Variants in GLI2 observed in about 807,000 individuals in gnomAD.
The protein encoded by GLI2 is transcription activator GLI2.
Under a neutral mutation model 78.9 loss-of-function variants are expected in GLI2, and 22 were observed. The observed-to-expected ratio is 0.28, with a 90% CI of 0.20 to 0.40. GLI2 has a LOEUF of 0.40. Ranked by LOEUF, GLI2 falls within the 10% of genes least tolerant of loss-of-function variation. The pLI is 1.00. For synonymous variants in GLI2, 974 were observed against 963.7 expected, an observed-to-expected ratio of 1.01 and a Z score of -0.20; for missense variants, 2,097 against 2,213.2, an observed-to-expected ratio of 0.95 and a Z score of 1.05.
intron 1 of GLI2, among the ~76,000 whole-genome samples, chr2:120,747,263 T>C (rs1162891649): frequency 6.6e-6 from 1 of 152,222 alleles, no homozygotes; most frequent in African/African-American, 2.4e-5. Context: ...CACAAATCAA[T>C]GTAAGACAAT....
chr2:120,744,408 A>G (rs369798374), intron 1 of GLI2, among the ~76,000 whole-genome samples: 20 of 152,338 alleles, frequency 1.3e-4, no homozygotes, highest in African/African-American at 4.3e-4. Context: ...GTACTGAAAG[A>G]AAAATTGGAC....
At chr2:120,913,645 A>G (rs143215331) in intron 2 of GLI2, among the ~76,000 whole-genome samples, 2 of 152,352 alleles carry the variant, frequency 1.3e-5, no homozygotes, top group Non-Finnish European at 2.9e-5. Flanking sequence ...GCTCCCAGAA[A>G]GTGGCCCTTA....
In GLI2 at chr2:120,968,785, T is replaced by A; in HGVS notation, c.715T>A (p.Ser239Thr). 1.2e-6 allele frequency: 2 copies of A among 1,613,652 alleles called. No homozygotes were observed. The highest frequency in any genetic ancestry group is 2.2e-5 in the East Asian group (1 of 44,862). The change falls in exon 6 of 14, where the codon TCA (serine) becomes ACA (threonine). Residue 239 changes from serine (S) to threonine (T), a missense_variant. Physicochemically the swap from Ser to Thr is moderately conservative, Grantham distance 58. Around this residue, in one of 5 missense-constraint regions of GLI2, gnomAD observed 578 missense variants for 612.0 expected, o/e 0.94. Transcript: ENST00000361492. Reference protein sequence around the residue: ...RKRALSISPLSDASLDLQRMI... With the variant: ...RKRALSISPLTDASLDLQRMI... Reference sequence around the variant, plus strand: ...GCGGGCGCTGTCCATCTCCCCACTCTCAGACGCCAGCCTGGACCTGCAGCG... The same window carrying A: ...GCGGGCGCTGTCCATCTCCCCACTCACAGACGCCAGCCTGGACCTGCAGCG...
At chr2:120,770,028 G>A (rs1683478409) in intron 1 of GLI2, among the ~76,000 whole-genome samples, 1 of 152,184 alleles carries the variant, frequency 6.6e-6, no homozygotes, top group Non-Finnish European at 1.5e-5. Context: ...CATGCTGACT[G>A]AGAGGAAGCC....
At chr2:120,904,159 A>G (rs546228444) in intron 2 of GLI2, among the ~76,000 whole-genome samples, 1 of 152,242 alleles carries the variant, frequency 6.6e-6, no homozygotes, top group East Asian at 1.9e-4. Context: ...GGGAGGATGG[A>G]GACCCCTGAG....
chr2:120,879,369 C>T (rs1361817965), intron 2 of GLI2, among the ~76,000 whole-genome samples: 1 of 152,170 alleles, frequency 6.6e-6, no homozygotes, highest in African/African-American at 2.4e-5. Flanking sequence ...GTGTGCCCAG[C>T]TTCAGAGCTT....
At chr2:120,803,779 G>C (rs1247132316) in intron 2 of GLI2, among the ~76,000 whole-genome samples, 2 of 152,124 alleles carry the variant, frequency 1.3e-5, no homozygotes, top group Non-Finnish European at 2.9e-5. Flanking sequence ...CAGGGTCCAG[G>C]GCAGCCCCTG....
chr2:120,784,164 G>A (rs1393423692), intron 1 of GLI2, among the ~76,000 whole-genome samples: 1 of 152,218 alleles, frequency 6.6e-6, no homozygotes, highest in Non-Finnish European at 1.5e-5. Context: ...TGCCAACTGT[G>A]TGCCAGGGGC....
At chr2:120,816,404 A>G (rs368852746) in intron 2 of GLI2, among the ~76,000 whole-genome samples, 83 of 152,234 alleles carry the variant, frequency 5.5e-4, no homozygotes, top group African/African-American at 1.9e-3. Context: ...CATGTTGGCC[A>G]GGCTGGTCTC....
intron 3 of GLI2, among the ~76,000 whole-genome samples, chr2:120,950,939 G>A (rs1213858918): frequency 6.6e-6 from 1 of 152,234 alleles, no homozygotes; most frequent in Non-Finnish European, 1.5e-5. Context: ...ACGTGTGGGC[G>A]GCCTGCTGTG....
At chr2:120,984,395 G>A in intron 11 of GLI2, 76 bp from the exon 12 acceptor site, 1 of 1,494,176 alleles carries the variant, frequency 6.7e-7, no homozygotes, top group Admixed American at 1.7e-5. Flanking sequence ...GGTAGCTTCA[G>A]GAGAACAGGG....
intron 1 of GLI2, among the ~76,000 whole-genome samples, chr2:120,740,107 TAA>T (rs34152694): frequency 0.017 from 2,609 of 151,038 alleles, 73 homozygotes; most frequent in African/African-American, 0.058. Context: ...TATCAAGAAT[TAA>T]AAAAAAAATC....
chr2:120,836,332 T>C (rs567655576), intron 2 of GLI2, among the ~76,000 whole-genome samples: 2 of 152,352 alleles, frequency 1.3e-5, no homozygotes, highest in African/African-American at 4.8e-5. Context: ...ATTATGTGTG[T>C]GTATATGTGT....
intron 1 of GLI2, among the ~76,000 whole-genome samples, chr2:120,772,844 G>C (rs1683562748): frequency 6.6e-6 from 1 of 152,200 alleles, no homozygotes; most frequent in African/African-American, 2.4e-5. Flanking sequence ...CCAGCATGCA[G>C]CCACCGTTAG....
chr2:120,971,677 A>C (rs961031628), intron 7 of GLI2, among the ~76,000 whole-genome samples: 1 of 152,156 alleles, frequency 6.6e-6, no homozygotes, highest in Non-Finnish European at 1.5e-5. Flanking sequence ...TTTTCCAAAG[A>C]GAAGGTCTCT....
At chr2:120,932,596 C>G (rs1396193470) in intron 3 of GLI2, among the ~76,000 whole-genome samples, 1 of 152,192 alleles carries the variant, frequency 6.6e-6, no homozygotes, top group East Asian at 1.9e-4. Context: ...CATGAATTAA[C>G]TCACCTCAGC....
intron 1 of GLI2, among the ~76,000 whole-genome samples, chr2:120,745,397 T>C (rs1016021356): frequency 9.9e-5 from 15 of 152,156 alleles, no homozygotes; most frequent in African/African-American, 3.6e-4. Flanking sequence ...TGGACACCTT[T>C]ATGGTCCCTA....
chr2:120,977,444 A>G (rs535120603), intron 9 of GLI2, among the ~76,000 whole-genome samples: 28 of 152,260 alleles, frequency 1.8e-4, no homozygotes, highest in African/African-American at 6.5e-4. Context: ...TGTAGTTTGC[A>G]CTTCTAGCCC....
chr2:120,813,207 G>C (rs1473259490), intron 2 of GLI2, among the ~76,000 whole-genome samples: 1 of 152,222 alleles, frequency 6.6e-6, no homozygotes, highest in East Asian at 1.9e-4. Context: ...GGAATTGGAG[G>C]CTTCTGAAGA....
Sources: gnomAD v4.1 joint callset for allele counts (sites outside exome capture counted in the v4.1 genomes callset) on GRCh38, gnomAD v4.1.1 for gene constraint, gnomAD v4.1.1 regional missense constraint, MANE v1.5 for transcripts, NCBI Gene and HGNC (gene_info 2026-07-23, HGNC 2026-07-21) for gene names.